The following AFM variants were observed in gnomAD, a reference collection of about 807,000 sequenced individuals.
AFM encodes alpha-Alb.
AFM carries 82 observed loss-of-function variants against 68.7 expected under a neutral mutation model. That is an observed-to-expected ratio of 1.19 (90% CI 1.00 to 1.43). The LOEUF is 1.43. AFM is among the 40% of genes most tolerant of loss of function. AFM has a pLI of 0.00. For synonymous variants in AFM, 250 were observed against 234.2 expected, an observed-to-expected ratio of 1.07 and a Z score of -0.61; for missense variants, 772 against 701.8, an observed-to-expected ratio of 1.10 and a Z score of -1.13.
intron 1 of AFM, among the ~76,000 whole-genome samples, chr4:73,483,293 G>A (rs1720765775): frequency 6.6e-6 from 1 of 152,080 alleles, no homozygotes; most frequent in African/African-American, 2.4e-5. Flanking sequence ...TCACATGCAC[G>A]AGTAACTTCT....
intron 5 of AFM, 150 bp downstream of exon 5, chr4:73,487,249 T>A (rs189681486): frequency 1.2e-6 from 1 of 828,892 alleles, no homozygotes; most frequent in Non-Finnish European, 1.8e-6. Flanking sequence ...GGTCACCAGG[T>A]GCTGATCTAA....
At position 73,498,194 on chromosome 4, in the gene AFM, C is replaced by A. The variant is rs149847802; in HGVS notation, c.1289+445C>A. On this transcript the variant is annotated intron_variant, in intron 10 of 14. Transcript: ENST00000226355. Reference sequence around the variant, plus strand: ...CACTTTAATATTTAGCTTTTTAGTGCTCTTGTGAGCATTTGTGAATAATAT... The same window carrying A: ...CACTTTAATATTTAGCTTTTTAGTGATCTTGTGAGCATTTGTGAATAATAT... Among the ~76,000 whole-genome samples, 82 of 152,030 alleles carry A rather than the reference C, an allele frequency of 5.4e-4. No individual in the cohort carries two copies. In the East Asian group the frequency reaches 0.012, roughly 22 times the overall value.
intron 12 of AFM, among the ~76,000 whole-genome samples, chr4:73,500,459 A>T (rs1293822497): frequency 6.6e-6 from 1 of 152,022 alleles, no homozygotes; most frequent in East Asian, 1.9e-4. Context: ...CAAGTCTAAC[A>T]TTACCTTTAG....
At chr4:73,485,180 G>T (rs1322802794) in intron 3 of AFM, among the ~76,000 whole-genome samples, 1 of 152,058 alleles carries the variant, frequency 6.6e-6, no homozygotes, top group Non-Finnish European at 1.5e-5. Context: ...CCTCCTCCAA[G>T]TAGAATCACT....
chr4:73,486,510 A>G (rs1408363703), intron 4 of AFM, among the ~76,000 whole-genome samples: 5 of 152,202 alleles, frequency 3.3e-5, no homozygotes, highest in African/African-American at 9.6e-5. Context: ...ATGCTCCTTG[A>G]AATCTAAATC....
chr4:73,484,496 TTC>T (rs1298233031), intron 3 of AFM, 106 bp downstream of exon 3: 3 of 838,540 alleles, frequency 3.6e-6, no homozygotes, highest in East Asian at 6.5e-5. Context: ...CTTTCTTTCT[TTC>T]TTTCTTTCAT....
chr4:73,499,351 G>T, intron 11 of AFM, 105 bp downstream of exon 11: 1 of 1,173,438 alleles, frequency 8.5e-7, no homozygotes, highest in Non-Finnish European at 1.1e-6. Flanking sequence ...TTTCTTCACT[G>T]TTTTAATATT....
At chr4:73,484,800 G>A (rs1311522938) in intron 3 of AFM, among the ~76,000 whole-genome samples, 2 of 152,198 alleles carry the variant, frequency 1.3e-5, no homozygotes, top group East Asian at 1.9e-4. Flanking sequence ...GCCTCCCAAA[G>A]TGTTGGGATT....
chr4:73,497,821 A>T (rs1369324556), intron 10 of AFM, 72 bp downstream of exon 10: 12 of 1,018,878 alleles, frequency 1.2e-5, no homozygotes, highest in Non-Finnish European at 1.7e-5. Context: ...AGCGTAAAAA[A>T]GTTAGCTGTC....
At chr4:73,482,564 A>T (rs1720744281) in intron 1 of AFM, among the ~76,000 whole-genome samples, 1 of 152,178 alleles carries the variant, frequency 6.6e-6, no homozygotes, top group South Asian at 2.1e-4. Flanking sequence ...CCAGCTAGTG[A>T]AGACTGGTCA....
intron 3 of AFM, among the ~76,000 whole-genome samples, chr4:73,484,835 C>T (rs1477272131): frequency 6.6e-6 from 1 of 152,112 alleles, no homozygotes; most frequent in African/African-American, 2.4e-5. Context: ...CTGTGCCCTG[C>T]CAATTGCTTG....
chr4:73,497,530 A>T (rs1370760576), intron 9 of AFM, 122 bp from the exon 10 acceptor site: 3 of 491,826 alleles, frequency 6.1e-6, no homozygotes, highest in Non-Finnish European at 1.0e-5. Context: ...CCCTGAATTT[A>T]GTGTAATAAT....
In AFM at chr4:73,487,815, A is replaced by T; in HGVS notation, c.707A>T (p.His236Leu). Residue 236 changes from histidine to leucine, a missense_variant, in exon 6 of 15, where the codon CAC (histidine) becomes CTC (leucine). Coordinates refer to ENST00000226355, the MANE Select transcript of AFM (RefSeq NM_001133.2). ...TTGAAATTTGGAACCAAAGTTGTAC[A>T]CTTTATGTGAGTTTTATACTATATG... Reference protein sequence around the residue: ...ALLKFGTKVVHFIYIAILSQK... With the variant: ...ALLKFGTKVVLFIYIAILSQK... The T allele has an allele frequency of 1.3e-6, 2 of 1,593,696 alleles. No individual in the cohort carries two copies. Among genetic ancestry groups the T allele is most frequent in the Non-Finnish European group, 8.6e-7 (1 of 1,161,792 alleles).
intron 1 of AFM, among the ~76,000 whole-genome samples, chr4:73,482,657 C>G (rs931054502): frequency 6.6e-6 from 1 of 152,144 alleles, no homozygotes; most frequent in Non-Finnish European, 1.5e-5. Flanking sequence ...TCTTTTGTAT[C>G]TATATTTTCC....
chr4:73,500,228 G>A lies in AFM; in HGVS notation c.1646+1G>A, dbSNP rs77552056. 6.2e-7 allele frequency: 1 copy of A among 1,604,850 alleles called. No homozygotes were observed. Among genetic ancestry groups the A allele is most frequent in the Non-Finnish European group, 8.5e-7 (1 of 1,174,170 alleles). On this transcript the variant is annotated splice_donor_variant, in intron 12 of 14. Coordinates refer to ENST00000226355, the MANE Select transcript of AFM (RefSeq NM_001133.2). LOFTEE classifies it high-confidence loss of function. ...AGGAGCTTCAGAGGAAGACAGACAGGTACAAATAATCTCTTCCATTCTTCT... is the reference window on the plus strand; with the variant it reads ...AGGAGCTTCAGAGGAAGACAGACAGATACAAATAATCTCTTCCATTCTTCT...
intron 1 of AFM, among the ~76,000 whole-genome samples, chr4:73,483,618 T>C (rs753031453): frequency 4.6e-5 from 7 of 152,242 alleles, no homozygotes; most frequent in Non-Finnish European, 1.0e-4. Context: ...TCTCTAGTCA[T>C]AAATGATAGA....
intron 4 of AFM, among the ~76,000 whole-genome samples, chr4:73,486,423 T>TA (rs1201501966): frequency 6.6e-6 from 1 of 152,224 alleles, no homozygotes; most frequent in Non-Finnish European, 1.5e-5. Context: ...GACATTCAAT[T>TA]ACAGGATGTT....
chr4:73,486,820 A>T lies in AFM; in HGVS notation c.483-147A>T, dbSNP rs543298858. On this transcript the variant is annotated intron_variant, in intron 4 of 14. Transcript: ENST00000226355. Reference sequence around the variant, plus strand: ...ACCTTTCTTCCTTTTACCTTGTTTTACAACTTGCTCTTCTTGTCTCTTTCT... The same window carrying T: ...ACCTTTCTTCCTTTTACCTTGTTTTTCAACTTGCTCTTCTTGTCTCTTTCT... 1.0e-5 allele frequency: 8 copies of T among 793,724 alleles called. No individual in the cohort carries two copies. The East Asian group carries it at 2.1e-4, about 21-fold the overall frequency. The allele number at this position is 793,724 out of a possible 1,614,324, so 49.2% of individuals were successfully genotyped here.
rs138275047 is a variant in AFM at position 73,485,959 on chromosome 4, T to C, written c.368T>C (p.Leu123Pro). The part of the protein sequence containing the change: ...CCSKVDAQRR[L>P]CFFYNKKSDV... ...AGTAAGGTTGATGCTCAAAGAAGAC[T>C]CTGTTTCTTCTATAACAAGAAATCT... The change falls in exon 4 of 15, where the codon CTC (leucine) becomes CCC (proline). Residue 123 changes from leucine to proline, a missense_variant. Physicochemically the swap from Leu to Pro is moderately conservative, Grantham distance 98. Transcript: ENST00000226355. 8 of 1,613,924 alleles carry C rather than the reference T, an allele frequency of 5.0e-6. No homozygotes were observed. The South Asian group carries it at 5.5e-5, about 11-fold the overall frequency.
Sources: gnomAD v4.1 joint callset for allele counts (sites outside exome capture counted in the v4.1 genomes callset) on GRCh38, gnomAD v4.1.1 for gene constraint, MANE v1.5 for transcripts, NCBI Gene and HGNC (gene_info 2026-07-23, HGNC 2026-07-21) for gene names.